The following CACNA1I variants were observed in gnomAD, a reference collection of about 807,000 sequenced individuals.
The protein encoded by CACNA1I is voltage-dependent T-type calcium channel subunit alpha-1I.
CACNA1I carries 74 observed loss-of-function variants against 201.6 expected under a neutral mutation model. The ratio of observed to expected loss-of-function variants is 0.37; its 90% CI spans 0.30 to 0.45. CACNA1I has a LOEUF of 0.45. CACNA1I is among the 20% of genes least tolerant of loss of function. The pLI is 1.00. For synonymous variants in CACNA1I, 1,431 were observed against 1,345.2 expected (o/e 1.06, Z -1.40); for missense variants, 2,346 against 3,138.1 (o/e 0.75, Z 6.03).
At chr22:39,655,524 CTCTT>C (rs1166709782) in intron 10 of CACNA1I, among the ~76,000 whole-genome samples, 1 of 152,154 alleles carries the variant, frequency 6.6e-6, no homozygotes, top group African/African-American at 2.4e-5. Context: ...CTTTTTGTGT[CTCTT>C]TCTGGCCGTA....
At chr22:39,591,395 C>T (rs1932820128) in intron 1 of CACNA1I, among the ~76,000 whole-genome samples, 1 of 151,726 alleles carries the variant, frequency 6.6e-6, no homozygotes, top group Non-Finnish European at 1.5e-5. Context: ...CTCCTGACCT[C>T]AAGTGATCTG....
intron 10 of CACNA1I, among the ~76,000 whole-genome samples, chr22:39,655,189 C>T (rs976804287): frequency 2.6e-5 from 4 of 152,142 alleles, no homozygotes; most frequent in Non-Finnish European, 5.9e-5. Context: ...TCAGCACACC[C>T]GGCCCATGGG....
At chr22:39,647,089 G>A (rs1601492191) in intron 8 of CACNA1I, among the ~76,000 whole-genome samples, 1 of 152,258 alleles carries the variant, frequency 6.6e-6, no homozygotes, top group African/African-American at 2.4e-5. Flanking sequence ...GCCGGGCCTG[G>A]GGCTGAGGGA....
intron 1 of CACNA1I, among the ~76,000 whole-genome samples, chr22:39,597,172 T>G (rs2145824100): frequency 6.6e-6 from 1 of 152,292 alleles, no homozygotes. Flanking sequence ...CTCAGTCAAC[T>G]GGAGATCCCG....
chr22:39,667,559 A>G (rs897883043), intron 23 of CACNA1I, among the ~76,000 whole-genome samples: 1 of 152,144 alleles, frequency 6.6e-6, no homozygotes, highest in Non-Finnish European at 1.5e-5. Context: ...CAGTTCAGAA[A>G]ACCTTTACTG....
In CACNA1I at chr22:39,665,067, G is replaced by C. The variant is rs533464305; in HGVS notation, c.3851+144G>C. 2.0e-4 allele frequency: 152 copies of C among 772,434 alleles called. No individual in the cohort carries two copies. Among genetic ancestry groups the C allele is most frequent in the Non-Finnish European group, 2.2e-4 (107 of 486,852 alleles). 47.8% of individuals were successfully genotyped at this position (772,434 alleles called of 1,614,324 possible). A position where few individuals can be genotyped will look rare whatever the true frequency, so the allele number is the denominator to read the frequency against. On this transcript the variant is annotated intron_variant, in intron 21 of 36. Coordinates refer to ENST00000402142, the MANE Select transcript of CACNA1I (RefSeq NM_021096.4). This position sits in a 1 kb window ranked among gnomAD's most constrained non-coding sequence, Gnocchi z 5.5. ...GTGCCAAACACCCTGAGCTGTTCCC[G>C]GGGGAGGGGTCTGCAGACCCTGGGG...
At chr22:39,679,692 C>T in intron 32 of CACNA1I, 30 bp from the exon 33 acceptor site, 2 of 1,592,302 alleles carry the variant, frequency 1.3e-6, no homozygotes, top group East Asian at 2.3e-5. Context: ...GATAATCCCG[C>T]CTGTCCCCAC....
At position 39,685,873 on chromosome 22, in the gene CACNA1I, G is replaced by T; in HGVS notation, c.6140G>T (p.Gly2047Val). The change falls in exon 37 of 37, where the codon GGG becomes GTG. Residue 2047 changes from glycine to valine, a missense_variant. Around this residue, in one of 13 missense-constraint regions of CACNA1I, gnomAD observed 441 missense variants for 555.6 expected, o/e 0.79. Coordinates refer to ENST00000402142, the MANE Select transcript of CACNA1I (RefSeq NM_021096.4). The surrounding 1 kb of genome is among the most constrained non-coding windows in gnomAD (Gnocchi z 5.0). The stretch of plus-strand genomic sequence containing the variant: ...AGCGACAGCCCCCGGCGTGCCCTGG[G>T]GCCGCCCGCGCCTGCTCCAGGACCC... Reference protein sequence around the residue: ...TLSDSPRRALGPPAPAPGPRA... With the variant: ...TLSDSPRRALVPPAPAPGPRA... 1 of 1,465,958 alleles carries T rather than the reference G, an allele frequency of 6.8e-7. No homozygotes were observed. The highest frequency in any genetic ancestry group is 9.0e-7 in the Non-Finnish European group (1 of 1,117,126). 90.8% of individuals were successfully genotyped at this position (1,465,958 alleles called of 1,614,324 possible).
Position 39,666,095 on chromosome 22 carries a change from C to T in CACNA1I, c.4104+89C>T, listed in dbSNP as rs1935185984. On this transcript the variant is annotated intron_variant, in intron 23 of 36. Transcript: ENST00000402142. The surrounding 1 kb of genome is among the most constrained non-coding windows in gnomAD (Gnocchi z 4.1). ...AATCACAGACCTGGCTTGTCTTGCA[C>T]TGCCAGGACTGACACTGACTTCTCC... 4 of 1,457,388 alleles carry T rather than the reference C, an allele frequency of 2.7e-6. No homozygotes were observed. The highest frequency in any genetic ancestry group is 3.7e-6 in the Non-Finnish European group (4 of 1,067,138). The allele number at this position is 1,457,388 out of a possible 1,614,324, so 90.3% of individuals were successfully genotyped here. A position where few individuals can be genotyped will look rare whatever the true frequency, so the allele number is the denominator to read the frequency against.
intron 10 of CACNA1I, among the ~76,000 whole-genome samples, chr22:39,650,857 A>G (rs1013358439): frequency 6.6e-6 from 1 of 152,122 alleles, no homozygotes; most frequent in East Asian, 1.9e-4. Context: ...GGGAGGGGAC[A>G]GCTTCTGGGA....
chr22:39,657,229 A>G (rs1242567057), intron 10 of CACNA1I, among the ~76,000 whole-genome samples: 1 of 152,166 alleles, frequency 6.6e-6, no homozygotes, highest in African/African-American at 2.4e-5. Context: ...GCAGGATATC[A>G]GTTAAAAACC....
Position 39,688,117 on chromosome 22 carries a change from G to A in CACNA1I, c.*1712G>A, listed in dbSNP as rs1402580307. 6.6e-6 allele frequency: 1 copy of A among 152,204 alleles called. No homozygotes were observed. The highest frequency in any genetic ancestry group is 2.4e-5 in the African/African-American group (1 of 41,436). The allele number at this position is 152,204 out of a possible 1,614,324, so 9.4% of individuals were successfully genotyped here. ...TGGGCTGAGGGAGAGGGGGCCGGGA[G>A]GGGTTGTCAAGCCCACCCGGGAAAC... On this transcript the variant is annotated 3_prime_UTR_variant, in exon 37 of 37. Transcript: ENST00000402142. The surrounding 1 kb of genome is among the most constrained non-coding windows in gnomAD (Gnocchi z 4.8).
Position 39,661,845 on chromosome 22 carries a change from C to T in CACNA1I, c.2902-120C>T, listed in dbSNP as rs1935020890. On this transcript the variant is annotated intron_variant, in intron 16 of 36. Transcript: ENST00000402142. ...CTCTAGGGTCAAGCCCATTCCATCA[C>T]CCGCTGGCCAGGTGGGTGGTCTTAG... 20 of 608,402 alleles carry T rather than the reference C, an allele frequency of 3.3e-5. No individual in the cohort carries two copies. The South Asian group carries it at 4.2e-4, about 13-fold the overall frequency. The allele number at this position is 608,402 out of a possible 1,614,324, so 37.7% of individuals were successfully genotyped here.
At chr22:39,619,485 T>TGGGGGGGGGGG in intron 4 of CACNA1I, 78 bp downstream of exon 4, 1 of 1,062,972 alleles carries the variant, frequency 9.4e-7, no homozygotes, top group Non-Finnish European at 1.4e-6. Flanking sequence ...ACCTAGCCAA[T>TGGGGGGGGGGG]GCCCACCCCC....
At position 39,585,071 on chromosome 22, in the gene CACNA1I, C is replaced by T. The variant is rs544003469; in HGVS notation, c.237-13080C>T. Among the ~76,000 whole-genome samples the T allele has an allele frequency of 6.9e-3, 1,044 of 152,192 alleles. 13 individuals carry two copies. Among genetic ancestry groups the T allele is most frequent in the African/African-American group, 0.024 (1,016 of 41,514 alleles). ...AGTTCTATGCTTTTTATTTTTATTT[C>T]TTTTTGAGATAGAGTTTCGCTTTTG... On this transcript the variant is annotated intron_variant, in intron 1 of 36. Coordinates refer to ENST00000402142, the MANE Select transcript of CACNA1I (RefSeq NM_021096.4).
At chr22:39,606,148 G>A (rs1237321889) in intron 3 of CACNA1I, among the ~76,000 whole-genome samples, 3 of 152,126 alleles carry the variant, frequency 2.0e-5, no homozygotes, top group Admixed American at 6.5e-5. Flanking sequence ...GCAGGAGAAC[G>A]GGATCCCACC....
At chr22:39,668,581 T>C (rs905861538) in intron 24 of CACNA1I, among the ~76,000 whole-genome samples, 200 bp downstream of exon 24, 7 of 152,136 alleles carry the variant, frequency 4.6e-5, no homozygotes, top group African/African-American at 1.2e-4. Flanking sequence ...AAGTCGTCGT[T>C]CCATTTGCTT....
intron 1 of CACNA1I, among the ~76,000 whole-genome samples, chr22:39,572,983 C>T (rs1932235458): frequency 6.6e-6 from 1 of 152,080 alleles, no homozygotes. Flanking sequence ...TCTCGAACTC[C>T]TGACTCGTGA....
chr22:39,585,108 G>A, intron 1 of CACNA1I, among the ~76,000 whole-genome samples: 1 of 152,192 alleles, frequency 6.6e-6, no homozygotes, highest in Non-Finnish European at 1.5e-5. Context: ...TGCTCAGGCT[G>A]GAGCGCAGTG....
Sources: gnomAD v4.1 joint callset for allele counts (sites outside exome capture counted in the v4.1 genomes callset) on GRCh38, gnomAD v4.1.1 for gene constraint, gnomAD v4.1.1 regional missense constraint, Gnocchi (gnomAD v3.1) non-coding constraint, MANE v1.5 for transcripts, NCBI Gene and HGNC (gene_info 2026-07-23, HGNC 2026-07-21) for gene names.